The following MARCHF6 variants were observed in gnomAD, a reference collection of about 807,000 sequenced individuals.
The protein encoded by MARCHF6 is membrane associated ring-CH-type finger 6, also known as E3 ubiquitin-protein ligase MARCHF6.
MARCHF6 carries 31 observed loss-of-function variants against 133.7 expected under a neutral mutation model. That is an observed-to-expected ratio of 0.23 (90% confidence interval 0.17 to 0.31). The LOEUF is 0.31. Among genes scored for constraint, MARCHF6 ranks in the 10% least tolerant of loss-of-function variants. The probability of loss-of-function intolerance (pLI) is 1.00; values close to 1 mark genes in which losing one functional copy is unlikely to be tolerated. For missense variants in MARCHF6, 723 were observed against 1,121.6 expected (o/e 0.64, Z 5.08); for synonymous variants, 395 against 402.5 (o/e 0.98, Z 0.22).
chr5:10,386,675 C>A (rs1236479121), intron 4 of MARCHF6, among the ~76,000 whole-genome samples: 1 of 151,956 alleles, frequency 6.6e-6, no homozygotes, highest in Non-Finnish European at 1.5e-5. Context: ...TTAAAAAATT[C>A]TTTATATTAT....
chr5:10,371,313 TTAGAACTGTGTG>T lies in MARCHF6; in HGVS notation c.20-6480_20-6469del, dbSNP rs576543007. Among the ~76,000 whole-genome samples, 248 of 152,314 alleles carry T rather than the reference TTAGAACTGTGTG, an allele frequency of 1.6e-3. 1 individual carries two copies. The highest frequency in any genetic ancestry group is 2.7e-3 in the Non-Finnish European group (185 of 68,020). On this transcript the variant is annotated intron_variant, in intron 1 of 25. Transcript: ENST00000274140. Reference sequence around the variant, plus strand: ...AAGTGACAGAATACATTCGGAGTGCTTAGAACTGTGTGTAGAGATGGTAGGTGTATTAGTCTG... The same window carrying T: ...AAGTGACAGAATACATTCGGAGTGCTTAGAGATGGTAGGTGTATTAGTCTG...
intron 7 of MARCHF6, 94 bp from the exon 8 acceptor site, chr5:10,393,988 A>C: frequency 1.6e-6 from 1 of 617,002 alleles, no homozygotes. Context: ...CAGCTTACAA[A>C]GTACTAAATT....
chr5:10,365,947 CT>C lies in MARCHF6; in HGVS notation c.20-11842del, dbSNP rs201239107. On this transcript the variant is annotated intron_variant, in intron 1 of 25. Coordinates refer to ENST00000274140, the MANE Select transcript of MARCHF6 (RefSeq NM_005885.4). The stretch of plus-strand genomic sequence containing the variant: ...AAATAGTTATATATACATATATATA[CT>C]TTTTTTTTGTTTTTTGGTCTGTTGC... Among the ~76,000 whole-genome samples, 1,205 of 150,882 alleles carry C rather than the reference CT, an allele frequency of 8.0e-3. 20 individuals are homozygous for C. The highest frequency in any genetic ancestry group is 0.07 in the South Asian group (333 of 4,780).
intron 11 of MARCHF6, 188 bp downstream of exon 11, chr5:10,401,030 A>G (rs1017707558): frequency 1.9e-6 from 1 of 524,994 alleles, no homozygotes; most frequent in Non-Finnish European, 3.4e-6. Context: ...CATGTTGCCA[A>G]CTAATGAAAA....
At position 10,405,555 on chromosome 5, in the gene MARCHF6, C is replaced by G; in HGVS notation, c.1333-3C>G. 1 of 1,591,238 alleles carries G rather than the reference C, an allele frequency of 6.3e-7. No individual in the cohort carries two copies. Among genetic ancestry groups the G allele is most frequent in the East Asian group, 2.2e-5 (1 of 44,476 alleles). The stretch of plus-strand genomic sequence containing the variant: ...ATTCATAGTATTTAAAATATATTTG[C>G]AGGTACTTCGACCTGGTGTCCTGTG... On this transcript the variant is annotated splice_region_variant and splice_polypyrimidine_tract_variant and intron_variant, in intron 15 of 25. Coordinates refer to ENST00000274140, the MANE Select transcript of MARCHF6 (RefSeq NM_005885.4).
Position 10,435,032 on chromosome 5 carries a change from G to A in MARCHF6, c.*1348G>A, listed in dbSNP as rs1009692774. ...AAATGTTTAATGCTAAAGGTATATC[G>A]TAAGGGTAGTGTTTGTTTTTGAACG... On this transcript the variant is annotated 3_prime_UTR_variant, in exon 26 of 26. Transcript: ENST00000274140. 6.6e-6 allele frequency: 1 copy of A among 152,608 alleles called. No homozygotes were observed. Among genetic ancestry groups the A allele is most frequent in the South Asian group, 2.1e-4 (1 of 4,826 alleles). The allele number at this position is 152,608 out of a possible 1,614,324, so 9.5% of individuals were successfully genotyped here.
chr5:10,361,873 C>T (rs1046778628), intron 1 of MARCHF6, among the ~76,000 whole-genome samples: 1 of 152,090 alleles, frequency 6.6e-6, no homozygotes, highest in Non-Finnish European at 1.5e-5. Context: ...AAGGGATTCT[C>T]CTGCCTCAGC....
chr5:10,432,744 G>A (rs1740430279), intron 25 of MARCHF6, among the ~76,000 whole-genome samples: 1 of 152,080 alleles, frequency 6.6e-6, no homozygotes, highest in Non-Finnish European at 1.5e-5. Flanking sequence ...AGGAACACTT[G>A]CCATTCTGTT....
chr5:10,420,284 A>G (rs1325629527), intron 22 of MARCHF6, among the ~76,000 whole-genome samples: 6 of 152,250 alleles, frequency 3.9e-5, no homozygotes, highest in Admixed American at 2.0e-4. Context: ...AATGTTGGCT[A>G]AGATTCAAGG....
intron 1 of MARCHF6, among the ~76,000 whole-genome samples, chr5:10,368,680 A>G (rs937639629): frequency 6.6e-6 from 1 of 152,030 alleles, no homozygotes; most frequent in African/African-American, 2.4e-5. Flanking sequence ...CCCAGGTTCA[A>G]GCGATTTTCC....
At chr5:10,391,421 C>T (rs577882951) in intron 6 of MARCHF6, 121 bp from the exon 7 acceptor site, 2 of 700,802 alleles carry the variant, frequency 2.9e-6, no homozygotes, top group East Asian at 6.2e-5. Flanking sequence ...GCATGAGCCA[C>T]TACACCTGGC....
chr5:10,401,524 G>A (rs1417409987), intron 11 of MARCHF6: 2 of 154,172 alleles, frequency 1.3e-5, no homozygotes, highest in African/African-American at 4.8e-5. Context: ...CCAAACTTTT[G>A]CCACTTGCTA....
At position 10,353,837 on chromosome 5, in the gene MARCHF6, C is replaced by T. The variant is rs1014917660; in HGVS notation, c.-62C>T. The T allele has an allele frequency of 7.7e-5, 115 of 1,502,198 alleles. No homozygotes were observed. Among genetic ancestry groups the T allele is most frequent in the Non-Finnish European group, 8.9e-5 (99 of 1,112,396 alleles). The allele number at this position is 1,502,198 out of a possible 1,614,324, so 93.1% of individuals were successfully genotyped here. On this transcript the variant is annotated 5_prime_UTR_variant, in exon 1 of 26. Coordinates refer to ENST00000274140, the MANE Select transcript of MARCHF6 (RefSeq NM_005885.4). ...CCCGGCTCCCTCCTCCTCTCCCCTC[C>T]CTCTTTCCCCGCCCGGCCGCGGGAG...
At position 10,407,134 on chromosome 5, in the gene MARCHF6, T is replaced by G; in HGVS notation, c.1485T>G (p.Leu495=). ...TTGGCTCCATTGTCCTCCTGATGCTTTGGCTTCCTATACGTATAATTAAGA... is the reference window on the plus strand; with the variant it reads ...TTGGCTCCATTGTCCTCCTGATGCTGTGGCTTCCTATACGTATAATTAAGA... ...IVFGSIVLLM[L]WLPIRIIKSV... is the part of the protein sequence containing the mutation. Residue 495 remains leucine, a synonymous_variant, in exon 17 of 26, where the codon CTT becomes CTG. Coordinates refer to ENST00000274140, the MANE Select transcript of MARCHF6 (RefSeq NM_005885.4). The G allele has an allele frequency of 6.2e-7, 1 of 1,613,338 alleles. No homozygotes were observed. The highest frequency in any genetic ancestry group is 8.5e-7 in the Non-Finnish European group (1 of 1,179,474).
At chr5:10,378,037 A>G (rs192016544) in intron 2 of MARCHF6, 143 bp downstream of exon 2, 1 of 554,594 alleles carries the variant, frequency 1.8e-6, no homozygotes, top group Non-Finnish European at 3.2e-6. Context: ...AAACTGAAAA[A>G]GCCCTTTTAT....
chr5:10,390,980 A>T (rs1737796788), intron 6 of MARCHF6, among the ~76,000 whole-genome samples: 1 of 152,362 alleles, frequency 6.6e-6, no homozygotes, highest in Non-Finnish European at 1.5e-5. Flanking sequence ...CCGCTAAATT[A>T]TACTGAATGA....
chr5:10,438,110 T>A lies in MARCHF6; in HGVS notation c.*4426T>A, dbSNP rs1009192115. Reference sequence around the variant, plus strand: ...GAGTAAGGCCCCACATTTTGTGCAATAGCAAGCTACTGCCCACTTCTGCAT... The same window carrying A: ...GAGTAAGGCCCCACATTTTGTGCAAAAGCAAGCTACTGCCCACTTCTGCAT... On this transcript the variant is annotated 3_prime_UTR_variant, in exon 26 of 26. Coordinates refer to ENST00000274140, the MANE Select transcript of MARCHF6 (RefSeq NM_005885.4). 1 of 152,234 alleles carries A rather than the reference T, an allele frequency of 6.6e-6. No individual in the cohort carries two copies. Among genetic ancestry groups the A allele is most frequent in the African/African-American group, 2.4e-5 (1 of 41,436 alleles). The allele number at this position is 152,234 out of a possible 1,614,324, so 9.4% of individuals were successfully genotyped here.
At chr5:10,423,894 C>G (rs1739948279) in intron 23 of MARCHF6, 70 bp downstream of exon 23, 9 of 1,075,574 alleles carry the variant, frequency 8.4e-6, no homozygotes, top group Middle Eastern at 2.2e-4. Context: ...AGCTATAACT[C>G]TTATTTCTTA....
intron 1 of MARCHF6, among the ~76,000 whole-genome samples, chr5:10,364,652 G>A (rs1013357831): frequency 2.0e-5 from 3 of 152,174 alleles, no homozygotes; most frequent in Non-Finnish European, 2.9e-5. Flanking sequence ...CATTGCCTGT[G>A]CTGCTGAAGC....
Sources: allele counts gnomAD v4.1 joint callset (sites outside exome capture counted in the v4.1 genomes callset), GRCh38; gene constraint gnomAD v4.1.1; transcripts MANE v1.5; gene names NCBI Gene and HGNC (gene_info 2026-07-23, HGNC 2026-07-21).